FBXL7: variants seen among roughly 807,000 people sequenced by gnomAD.
The protein encoded by FBXL7 is F-box and leucine rich repeat protein 7.
In FBXL7, 12 loss-of-function variants were observed where a neutral mutation model predicts 38.3. That is an observed-to-expected ratio of 0.31 (90% confidence interval 0.20 to 0.51). The LOEUF (loss-of-function observed/expected upper bound fraction) is 0.51, where lower values mean the gene tolerates loss of function less well. Among genes scored for constraint, FBXL7 ranks in the 20% least tolerant of loss-of-function variants. FBXL7 has a pLI of 0.98. For missense variants in FBXL7, 567 were observed against 676.4 expected, an observed-to-expected ratio of 0.84 and a Z score of 1.79; for synonymous variants, 297 against 300.9, an observed-to-expected ratio of 0.99 and a Z score of 0.13.
At chr5:15,614,322 T>G (rs1580407607) in intron 1 of FBXL7, among the ~76,000 whole-genome samples, 1 of 151,384 alleles carries the variant, frequency 6.6e-6, no homozygotes, top group Non-Finnish European at 1.5e-5. Context: ...CAGGCTGGAG[T>G]GCAATGGCGC....
At chr5:15,799,879 T>C (rs1228789585) in intron 2 of FBXL7, among the ~76,000 whole-genome samples, 1 of 152,170 alleles carries the variant, frequency 6.6e-6, no homozygotes, top group Admixed American at 6.5e-5. Flanking sequence ...ACAGTGTTTC[T>C]TCCCAACTAT....
chr5:15,894,840 G>T (rs1160927645), intron 2 of FBXL7, among the ~76,000 whole-genome samples: 1 of 152,144 alleles, frequency 6.6e-6, no homozygotes, highest in Admixed American at 6.5e-5. Flanking sequence ...GGCCTAGAGA[G>T]AAATTTAAAT....
At chr5:15,859,857 AC>A (rs1445799236) in intron 2 of FBXL7, among the ~76,000 whole-genome samples, 1 of 152,140 alleles carries the variant, frequency 6.6e-6, no homozygotes, top group African/African-American at 2.4e-5. Flanking sequence ...CAGATAAAGA[AC>A]CTGAGGATAT....
chr5:15,644,197 G>A (rs769359753), intron 2 of FBXL7, among the ~76,000 whole-genome samples: 1 of 151,078 alleles, frequency 6.6e-6, no homozygotes. Context: ...AGTGGCCCAC[G>A]CCTGTAATCC....
chr5:15,630,607 T>C (rs965601155), intron 2 of FBXL7, among the ~76,000 whole-genome samples: 9 of 152,176 alleles, frequency 5.9e-5, no homozygotes, highest in Non-Finnish European at 4.4e-5. Flanking sequence ...GAAACAACCT[T>C]GGCTTCAGAT....
intron 2 of FBXL7, among the ~76,000 whole-genome samples, chr5:15,911,479 C>T (rs1440712860): frequency 2.1e-5 from 3 of 139,734 alleles, no homozygotes; most frequent in Admixed American, 6.7e-5. Context: ...AATGTCCTCC[C>T]GTAGGTCAGA....
intron 2 of FBXL7, among the ~76,000 whole-genome samples, chr5:15,712,899 C>G (rs549046578): frequency 2.2e-4 from 33 of 152,218 alleles, no homozygotes; most frequent in African/African-American, 7.2e-4. Context: ...TCTACTCAGA[C>G]CAAAAAGCTA....
At chr5:15,706,535 C>A (rs1182853040) in intron 2 of FBXL7, among the ~76,000 whole-genome samples, 5 of 152,024 alleles carry the variant, frequency 3.3e-5, no homozygotes, top group African/African-American at 1.2e-4. Context: ...AGATGGGATA[C>A]AATGTGTAGA....
chr5:15,502,597 C>A (rs1736527294), intron 1 of FBXL7, among the ~76,000 whole-genome samples: 1 of 152,190 alleles, frequency 6.6e-6, no homozygotes, highest in South Asian at 2.1e-4. Context: ...TAGAGGTACA[C>A]ACTGTGTTTA....
intron 1 of FBXL7, among the ~76,000 whole-genome samples, chr5:15,516,650 G>A (rs1736945635): frequency 6.6e-6 from 1 of 151,926 alleles, no homozygotes; most frequent in African/African-American, 2.4e-5. Flanking sequence ...CTTCGTGGGA[G>A]GTAATTGAAA....
At chr5:15,626,551 T>G (rs1392461491) in intron 2 of FBXL7, among the ~76,000 whole-genome samples, 3 of 149,102 alleles carry the variant, frequency 2.0e-5, no homozygotes, top group Non-Finnish European at 4.5e-5. Context: ...TTCCTGTGTG[T>G]GTGTGTGTGT....
At chr5:15,850,450 A>G (rs137880324) in intron 2 of FBXL7, among the ~76,000 whole-genome samples, 2 of 152,220 alleles carry the variant, frequency 1.3e-5, no homozygotes, top group African/African-American at 4.8e-5. Flanking sequence ...ATTGCCAGGT[A>G]AATCAGCCCT....
chr5:15,514,643 T>C lies in FBXL7; in HGVS notation c.37+13930T>C, dbSNP rs146279342. 2.9e-3 allele frequency among the ~76,000 whole-genome samples: 443 copies of C among 152,340 alleles called. 4 individuals are homozygous for C. The highest frequency in any genetic ancestry group is 9.9e-3 in the African/African-American group (410 of 41,590). On this transcript the variant is annotated intron_variant, in intron 1 of 3. Coordinates refer to ENST00000504595, the MANE Select transcript of FBXL7 (RefSeq NM_012304.5). Reference sequence around the variant, plus strand: ...TAATCCATTTCTCTCTTCCCCATCATACTTCTCCCATTTTTTCCTTACTTT... The same window carrying C: ...TAATCCATTTCTCTCTTCCCCATCACACTTCTCCCATTTTTTCCTTACTTT...
At chr5:15,724,729 T>C (rs1744295496) in intron 2 of FBXL7, among the ~76,000 whole-genome samples, 1 of 152,230 alleles carries the variant, frequency 6.6e-6, no homozygotes, top group Non-Finnish European at 1.5e-5. Context: ...GAATATTGGA[T>C]GTTTTTAGAT....
At chr5:15,502,331 A>G (rs1561007332) in intron 1 of FBXL7, among the ~76,000 whole-genome samples, 1 of 142,436 alleles carries the variant, frequency 7.0e-6, no homozygotes, top group African/African-American at 2.6e-5. Context: ...CGTATTGTGC[A>G]GTGTGTGGTA....
At chr5:15,541,903 C>G (rs530978428) in intron 1 of FBXL7, among the ~76,000 whole-genome samples, 4 of 152,122 alleles carry the variant, frequency 2.6e-5, no homozygotes, top group Admixed American at 1.3e-4. Flanking sequence ...TACTTAACCC[C>G]TGTTTCTTTT....
At chr5:15,770,894 G>C (rs536666537) in intron 2 of FBXL7, among the ~76,000 whole-genome samples, 12 of 152,098 alleles carry the variant, frequency 7.9e-5, no homozygotes, top group Non-Finnish European at 1.8e-4. Context: ...GATGAGGCAG[G>C]CACGATGTTA....
intron 2 of FBXL7, among the ~76,000 whole-genome samples, chr5:15,833,280 T>C (rs1299223242): frequency 6.6e-6 from 1 of 152,202 alleles, no homozygotes; most frequent in Non-Finnish European, 1.5e-5. Context: ...TGGCACCTTC[T>C]TGCTGTGTCC....
chr5:15,927,946 C>T lies in FBXL7; in HGVS notation c.184C>T (p.Pro62Ser). 1.9e-6 allele frequency: 3 copies of T among 1,564,834 alleles called. No homozygotes were observed. The highest frequency in any genetic ancestry group is 2.6e-6 in the Non-Finnish European group (3 of 1,153,816). The change falls in exon 3 of 4, where the codon CCG becomes TCG. Residue 62 changes from proline to serine, a missense_variant. By Grantham distance (74) the Pro-to-Ser change is moderately conservative. Coordinates refer to ENST00000504595, the MANE Select transcript of FBXL7 (RefSeq NM_012304.5). ...STPSPALICP[P>S]NLPGFQNGRG... ...GCCCAGCCCAGCCCTGATATGTCCACCGAATCTCCCAGGATTTCAGAATGG... is the reference window on the plus strand; with the variant it reads ...GCCCAGCCCAGCCCTGATATGTCCATCGAATCTCCCAGGATTTCAGAATGG...
Sources: gnomAD v4.1 joint callset for allele counts (sites outside exome capture counted in the v4.1 genomes callset) on GRCh38, gnomAD v4.1.1 for gene constraint, MANE v1.5 for transcripts, NCBI Gene and HGNC (gene_info 2026-07-23, HGNC 2026-07-21) for gene names.